CDKL1: variants seen among roughly 807,000 people sequenced by gnomAD.
CDKL1 encodes cyclin dependent kinase like 1.
A neutral mutation model predicts 42.0 loss-of-function variants in CDKL1; 41 were observed. The ratio of observed to expected loss-of-function variants is 0.98; its 90% CI spans 0.76 to 1.27. The LOEUF (loss-of-function observed/expected upper bound fraction) is 1.27, where lower values mean the gene tolerates loss of function less well. Among genes scored for constraint, CDKL1 ranks in the 50% most tolerant of loss-of-function variants. The probability of loss-of-function intolerance (pLI) is 0.00; values close to 1 mark genes in which losing one functional copy is unlikely to be tolerated. For synonymous variants in CDKL1, 153 were observed against 158.6 expected, an observed-to-expected ratio of 0.96 and a Z score of 0.26; for missense variants, 394 against 428.4, an observed-to-expected ratio of 0.92 and a Z score of 0.71.
intron 8 of CDKL1, 166 bp downstream of exon 8, chr14:50,334,399 T>C: frequency 1.7e-6 from 1 of 596,096 alleles, no homozygotes; most frequent in Non-Finnish European, 3.0e-6. Flanking sequence ...TCTGCCTGCC[T>C]TGGCCTCCCA....
intron 2 of CDKL1, among the ~76,000 whole-genome samples, chr14:50,370,722 G>A (rs958628290): frequency 3.3e-5 from 5 of 152,234 alleles, no homozygotes; most frequent in Non-Finnish European, 7.3e-5. Context: ...AAAGGTGAAG[G>A]AGGGGCAGGC....
intron 2 of CDKL1, chr14:50,377,574 G>T (rs1233389555): frequency 7.4e-7 from 1 of 1,345,902 alleles, no homozygotes; most frequent in South Asian, 1.2e-5. Context: ...CCTTCAGAAT[G>T]GAATTCTGGA....
chr14:50,395,932 C>G lies in CDKL1; in HGVS notation c.-64G>C. 6.6e-7 allele frequency: 1 copy of G among 1,506,412 alleles called. No homozygotes were observed. Among genetic ancestry groups the G allele is most frequent in the East Asian group, 2.3e-5 (1 of 44,180 alleles). 93.3% of individuals were successfully genotyped at this position (1,506,412 alleles called of 1,614,324 possible). A position where few individuals can be genotyped will look rare whatever the true frequency, so the allele number is the denominator to read the frequency against. On this transcript the variant is annotated 5_prime_UTR_variant, in exon 2 of 10. Transcript: ENST00000395834. ...GAGAATGGTGGCTCACGCCTGTAAT[C>G]CCAGCACTTTGGGAGGCTGAGGCGG...
intron 7 of CDKL1, chr14:50,335,637 T>C: frequency 3.9e-6 from 6 of 1,524,472 alleles, no homozygotes; most frequent in South Asian, 2.4e-5. Context: ...CAAAGGCTAA[T>C]TGAGCAGAGA....
At chr14:50,396,523 C>G (rs951191632) in intron 1 of CDKL1, among the ~76,000 whole-genome samples, 194 bp from the exon 2 acceptor site, 1 of 152,190 alleles carries the variant, frequency 6.6e-6, no homozygotes, top group Non-Finnish European at 1.5e-5. Flanking sequence ...ATCTTTTTAA[C>G]GTTATCGTTC....
intron 8 of CDKL1, 52 bp downstream of exon 8, chr14:50,334,513 G>T: frequency 1.0e-6 from 1 of 986,458 alleles, no homozygotes; most frequent in South Asian, 1.3e-5. Flanking sequence ...AGATTCCCCA[G>T]TGATGACAAC....
chr14:50,362,950 G>A (rs746604267), intron 2 of CDKL1: 4 of 464,020 alleles, frequency 8.6e-6, no homozygotes, highest in African/African-American at 6.0e-5. Flanking sequence ...AAATCTTGCT[G>A]CTGCTCACGC....
At chr14:50,345,552 T>A (rs757297786) in intron 3 of CDKL1, among the ~76,000 whole-genome samples, 17 of 152,256 alleles carry the variant, frequency 1.1e-4, no homozygotes, top group Non-Finnish European at 2.4e-4. Flanking sequence ...GTTGTTTGTT[T>A]GGTTTTTTAG....
chr14:50,397,033 C>T, upstream of CDKL1: 2 of 1,267,478 alleles, frequency 1.6e-6, no homozygotes, highest in Non-Finnish European at 2.1e-6. Flanking sequence ...GAGGGCCGCC[C>T]TCCGTCCATG....
At chr14:50,383,795 G>A (rs899304170) in intron 2 of CDKL1, among the ~76,000 whole-genome samples, 1 of 152,102 alleles carries the variant, frequency 6.6e-6, no homozygotes, top group Admixed American at 6.5e-5. Context: ...ACAGATGGTG[G>A]TATGTGCTTA....
chr14:50,342,341 GGACAACAGCAAAA>G, intron 4 of CDKL1, 119 bp from the exon 5 acceptor site: 1 of 1,452,490 alleles, frequency 6.9e-7, no homozygotes, highest in South Asian at 1.3e-5. Flanking sequence ...TTGGCCTGTT[GGACAACAGCAAAA>G]GAGCAGCCTA....
intron 3 of CDKL1, among the ~76,000 whole-genome samples, chr14:50,346,549 T>C (rs2139413795): frequency 6.6e-6 from 1 of 151,990 alleles, no homozygotes; most frequent in South Asian, 2.1e-4. Context: ...AACTTTGGAC[T>C]CCTGGACTTA....
intron 7 of CDKL1, among the ~76,000 whole-genome samples, chr14:50,337,662 G>T (rs1009337503): frequency 6.7e-6 from 1 of 148,956 alleles, no homozygotes; most frequent in Non-Finnish European, 1.5e-5. Context: ...GCTCTGTATG[G>T]TATTTCTTTT....
chr14:50,336,234 G>A (rs1197847421), intron 7 of CDKL1: 5 of 1,309,830 alleles, frequency 3.8e-6, no homozygotes, highest in East Asian at 5.1e-5. Context: ...GGGCACAGAT[G>A]TTCAACCAGT....
chr14:50,393,667 G>C (rs901131169), intron 2 of CDKL1, among the ~76,000 whole-genome samples: 1 of 152,106 alleles, frequency 6.6e-6, no homozygotes, highest in East Asian at 1.9e-4. Context: ...TTATGTGTTA[G>C]GAATATCACA....
chr14:50,379,371 G>T (rs560949019), intron 2 of CDKL1, among the ~76,000 whole-genome samples: 2 of 152,178 alleles, frequency 1.3e-5, no homozygotes, highest in Admixed American at 6.5e-5. Context: ...CACTGAAGCA[G>T]TAAGGAGCAG....
intron 2 of CDKL1, among the ~76,000 whole-genome samples, chr14:50,375,903 A>T (rs2139501919): frequency 6.6e-6 from 1 of 152,290 alleles, no homozygotes; most frequent in South Asian, 2.1e-4. Flanking sequence ...AAAAACAGAC[A>T]AATTCCAACA....
rs185169124 is a variant in CDKL1, at chr14:50,383,119, G to A, written c.168+12582C>T. On this transcript the variant is annotated intron_variant, in intron 2 of 9. Transcript: ENST00000395834. ...ATTTTTTGTATTTTTTAGTAGAGAC[G>A]GGGTTTCACCGTGTTAGCCAGGAGG... 6.2e-3 allele frequency among the ~76,000 whole-genome samples: 935 copies of A among 151,790 alleles called. 5 individuals are homozygous for A. Among genetic ancestry groups the A allele is most frequent in the Non-Finnish European group, 8.1e-3 (551 of 67,882 alleles).
chr14:50,395,604 C>T, intron 2 of CDKL1, 97 bp downstream of exon 2: 3 of 791,492 alleles, frequency 3.8e-6, no homozygotes, highest in Non-Finnish European at 6.1e-6. Context: ...GAGTTCCAGG[C>T]TGCTGTGAGC....
Sources: gnomAD v4.1 joint callset for allele counts (sites outside exome capture counted in the v4.1 genomes callset) on GRCh38, gnomAD v4.1.1 for gene constraint, MANE v1.5 for transcripts, NCBI Gene and HGNC (gene_info 2026-07-23, HGNC 2026-07-21) for gene names.